ZNF320: variants seen among roughly 807,000 people sequenced by gnomAD.
The protein encoded by ZNF320 is zinc finger protein 320, also known as zinc finger gene 320.
In ZNF320, 2 loss-of-function variants were observed where a neutral mutation model predicts 6.8. The observed-to-expected ratio is 0.29, with a 90% confidence interval of 0.12 to 0.93. The LOEUF (loss-of-function observed/expected upper bound fraction) is 0.93, where lower values mean the gene tolerates loss of function less well. Among genes scored for constraint, ZNF320 ranks in the 40% least tolerant of loss-of-function variants. The pLI, the probability that ZNF320 is intolerant of heterozygous loss-of-function variation, is 0.55. For synonymous variants in ZNF320, 208 were observed against 203.2 expected, an observed-to-expected ratio of 1.02 and a Z score of -0.20; for missense variants, 472 against 611.0, an observed-to-expected ratio of 0.77 and a Z score of 2.40.
chr19:52,884,884 T>C (rs1230562445), intron 5 of ZNF320, among the ~76,000 whole-genome samples: 1 of 152,184 alleles, frequency 6.6e-6, no homozygotes, highest in African/African-American at 2.4e-5. Context: ...TTGCAATACT[T>C]GAAGCCATCT....
At chr19:52,889,991 C>T (rs1281767792) in intron 4 of ZNF320, among the ~76,000 whole-genome samples, 1 of 152,160 alleles carries the variant, frequency 6.6e-6, no homozygotes, top group Non-Finnish European at 1.5e-5. Flanking sequence ...GACCCTCACC[C>T]CGTCTCCATC....
chr19:52,863,893 C>A (rs1438068526), exon 6 of ZNF320: 2 of 309,214 alleles, frequency 6.5e-6, no homozygotes. Flanking sequence ...ACATGCTGGG[C>A]ATGGTGGCAC....
intron 5 of ZNF320, among the ~76,000 whole-genome samples, chr19:52,887,892 TA>T (rs1435535994): frequency 2.0e-5 from 3 of 152,180 alleles, no homozygotes; most frequent in African/African-American, 4.8e-5. Context: ...CAGCTTGCCA[TA>T]AGGTTTTATG....
At chr19:52,898,304 G>A (rs2064532251), upstream of ZNF320, among the ~76,000 whole-genome samples, 1 of 152,116 alleles carries the variant, frequency 6.6e-6, no homozygotes, top group Non-Finnish European at 1.5e-5. Flanking sequence ...AGGCCAGGGA[G>A]GAGTGAGGTC....
At position 52,877,703 on chromosome 19, in the gene ZNF320, G is replaced by A. The variant is rs1443023081; in HGVS notation, c.*2893C>T. 4 of 152,164 alleles carry A rather than the reference G, an allele frequency of 2.6e-5. No individual in the cohort carries two copies. Among genetic ancestry groups the A allele is most frequent in the Admixed American group, 6.5e-5 (1 of 15,268 alleles). The allele number at this position is 152,164 out of a possible 1,614,324, so 9.4% of individuals were successfully genotyped here. ...AAAATGGAAGGCAGGTTTGTCTGAC[G>A]CAGTTCCCAGATTGACTTTTCTCTT... On this transcript the variant is annotated 3_prime_UTR_variant, in exon 6 of 6. Transcript: ENST00000682928.
At chr19:52,892,189 A>AC (rs922406156) in intron 2 of ZNF320, 13 of 151,116 alleles carry the variant, frequency 8.6e-5, no homozygotes, top group African/African-American at 3.2e-4. Flanking sequence ...ATATGGAGAA[A>AC]CCCCCGTCTC....
chr19:52,882,776 G>A (rs2063962482), intron 5 of ZNF320, among the ~76,000 whole-genome samples: 1 of 152,064 alleles, frequency 6.6e-6, no homozygotes, highest in Non-Finnish European at 1.5e-5. Flanking sequence ...CCCTGTCTCT[G>A]CTAAAAATAG....
intron 5 of ZNF320, among the ~76,000 whole-genome samples, chr19:52,866,003 ATATATTTATATATTATACATATT>A (rs2063556902): frequency 1.1e-5 from 1 of 88,018 alleles, no homozygotes; most frequent in East Asian, 2.6e-4. Flanking sequence ...GATTATACAT[ATATATTTATATATTATACATATT>A]TATATATATG....
At chr19:52,882,374 A>T (rs2063948744) in intron 5 of ZNF320, among the ~76,000 whole-genome samples, 1 of 152,242 alleles carries the variant, frequency 6.6e-6, no homozygotes, top group Non-Finnish European at 1.5e-5. Context: ...AATAAATGTT[A>T]AAAAACCAGA....
chr19:52,868,338 C>T (rs531925285), intron 5 of ZNF320, among the ~76,000 whole-genome samples: 87 of 152,070 alleles, frequency 5.7e-4, no homozygotes, highest in African/African-American at 2.0e-3. Flanking sequence ...AAAACCCTGT[C>T]TCTACTTCAA....
At chr19:52,870,116 C>T (rs981617853) in intron 5 of ZNF320, among the ~76,000 whole-genome samples, 1 of 152,124 alleles carries the variant, frequency 6.6e-6, no homozygotes, top group Non-Finnish European at 1.5e-5. Flanking sequence ...GCTGGGATTA[C>T]AGGCATCAGC....
At chr19:52,893,009 T>C (rs1475620464) in intron 2 of ZNF320, among the ~76,000 whole-genome samples, 3 of 152,170 alleles carry the variant, frequency 2.0e-5, no homozygotes, top group Non-Finnish European at 4.4e-5. Context: ...CTTATTTTTT[T>C]TTTCACTTTT....
At chr19:52,871,675 G>A (rs957995181), downstream of ZNF320, among the ~76,000 whole-genome samples, 3 of 152,234 alleles carry the variant, frequency 2.0e-5, no homozygotes, top group African/African-American at 7.2e-5. Flanking sequence ...TGAACACATA[G>A]CTGCAGGTGT....
exon 6 of ZNF320, chr19:52,862,700 T>C (rs2063492686): frequency 1.8e-6 from 1 of 550,856 alleles, no homozygotes; most frequent in African/African-American, 1.9e-5. Flanking sequence ...AATTTCAGTA[T>C]GTTCTGCAAG....
intron 5 of ZNF320, among the ~76,000 whole-genome samples, chr19:52,886,747 A>C (rs7256296): frequency 0.19 from 28,686 of 151,818 alleles, 2,796 homozygotes; most frequent in East Asian, 0.27. Flanking sequence ...ACCAGCCTGA[A>C]CAACATGGTG....
At chr19:52,886,336 T>C (rs926778061) in intron 5 of ZNF320, among the ~76,000 whole-genome samples, 6 of 152,224 alleles carry the variant, frequency 3.9e-5, no homozygotes, top group Admixed American at 1.3e-4. Flanking sequence ...AGTTTCATCA[T>C]GCTACCCAGG....
In ZNF320 at chr19:52,881,868, G is replaced by A; in HGVS notation, c.258C>T (p.Cys86=). 2 of 1,613,904 alleles carry A rather than the reference G, an allele frequency of 1.2e-6. No homozygotes were observed. Among genetic ancestry groups the A allele is most frequent in the Non-Finnish European group, 1.7e-6 (2 of 1,179,858 alleles). Residue 86 remains cysteine, a synonymous_variant, in exon 6 of 6, where the codon TGC becomes TGT. Transcript: ENST00000682928. ...GAATGTCTTTCTCAATTTCCTGGGA[G>A]CAAAATGCTCCAATGTGATAACTTG... ...RQASYHIGAF[C]SQEIEKDIHD...
Position 52,880,851 on chromosome 19 carries a change from T to C in ZNF320, c.1275A>G (p.Lys425=), listed in dbSNP as rs1178515897. The part of the protein sequence containing the change: ...CEECDKVYIR[K]SHLERHRRIH... ...TCCTCCTATGTCTTTCAAGGTGTGA[T>C]TTGCGAATGTAAACTTTGTCACATT... The change falls in exon 6 of 6, where the codon AAA becomes AAG. Residue 425 remains lysine, a synonymous_variant. Transcript: ENST00000682928. The C allele has an allele frequency of 6.2e-7, 1 of 1,613,984 alleles. No homozygotes were observed. The highest frequency in any genetic ancestry group is 2.2e-5 in the East Asian group (1 of 44,874).
At chr19:52,886,030 CAT>C (rs2064066871) in intron 5 of ZNF320, among the ~76,000 whole-genome samples, 1 of 152,054 alleles carries the variant, frequency 6.6e-6, no homozygotes, top group South Asian at 2.1e-4. Context: ...AAACACTGTA[CAT>C]ATATGTTAAC....
Sources: gnomAD v4.1 joint callset for allele counts (sites outside exome capture counted in the v4.1 genomes callset) on GRCh38, gnomAD v4.1.1 for gene constraint, MANE v1.5 for transcripts, NCBI Gene and HGNC (gene_info 2026-07-23, HGNC 2026-07-21) for gene names.